BPIFB4: variants seen among roughly 807,000 people sequenced by gnomAD.
BPIFB4 encodes BPI fold-containing family B member 4.
Under a neutral mutation model 69.2 loss-of-function variants are expected in BPIFB4, and 62 were observed. The observed-to-expected ratio is 0.90, with a 90% CI of 0.73 to 1.11. BPIFB4 has a LOEUF of 1.11. BPIFB4 is among the 50% of genes least tolerant of loss of function. The probability of loss-of-function intolerance (pLI) is 0.00; values close to 1 mark genes in which losing one functional copy is unlikely to be tolerated. For synonymous variants in BPIFB4, 330 were observed against 332.7 expected, an observed-to-expected ratio of 0.99 and a Z score of 0.09; for missense variants, 789 against 792.0, an observed-to-expected ratio of 1.00 and a Z score of 0.04.
At chr20:33,082,140 T>C (rs887978214) in intron 3 of BPIFB4, among the ~76,000 whole-genome samples, 3 of 152,174 alleles carry the variant, frequency 2.0e-5, no homozygotes, top group African/African-American at 7.2e-5. Context: ...TCATCTAGCA[T>C]GTGAGGACAT....
Position 33,089,051 on chromosome 20 carries a change from G to T in BPIFB4, c.990+22G>T, listed in dbSNP as rs1001985155. 6 of 1,613,696 alleles carry T rather than the reference G, an allele frequency of 3.7e-6. No individual in the cohort carries two copies. In the African/African-American group the frequency reaches 8.0e-5, roughly 22 times the overall value. ...CTTGGTAAGAAGCTGTCCCAGTATG[G>T]GAGCAAGGGGCACAGGCTTCCCCCA... is the stretch of plus-strand genomic sequence containing the variant. On this transcript the variant is annotated intron_variant, in intron 8 of 17. Coordinates refer to ENST00000375483, the MANE Select transcript of BPIFB4 (RefSeq NM_182519.3).
intron 13 of BPIFB4, among the ~76,000 whole-genome samples, chr20:33,100,112 C>T (rs954948820): frequency 6.4e-4 from 98 of 152,134 alleles, no homozygotes; most frequent in African/African-American, 2.1e-3. Flanking sequence ...TCATGGGGAT[C>T]CTGTGACTGT....
intron 15 of BPIFB4, among the ~76,000 whole-genome samples, chr20:33,104,240 A>T (rs1234680127): frequency 6.6e-6 from 1 of 152,196 alleles, no homozygotes; most frequent in East Asian, 1.9e-4. Flanking sequence ...GTGGAAACCA[A>T]GGCTTAGAGA....
chr20:33,103,748 T>C (rs1032971918), intron 15 of BPIFB4, among the ~76,000 whole-genome samples: 1 of 152,236 alleles, frequency 6.6e-6, no homozygotes, highest in African/African-American at 2.4e-5. Context: ...GCTAATTTTA[T>C]AGCTTTTCTA....
rs1982113831 is a variant in BPIFB4 at position 33,107,810 on chromosome 20, A to T, written c.1811A>T (p.Asp604Val). 6.2e-7 allele frequency: 1 copy of T among 1,613,752 alleles called. No individual in the cohort carries two copies. Residue 604 changes from aspartate to valine, a missense_variant, in exon 17 of 18, where the codon GAC becomes GTC. Transcript: ENST00000375483. ...ATCGACTTTAGCAATGCAGACATTG[A>T]CGTGTTGGAGGTAAGAGGAGATCGA... ...LNIDFSNADIDVLEDLLVLSA is the reference protein window; with the variant it reads ...LNIDFSNADIVVLEDLLVLSA
intron 7 of BPIFB4, 112 bp downstream of exon 7, chr20:33,086,276 G>A: frequency 7.3e-7 from 1 of 1,372,582 alleles, no homozygotes; most frequent in Non-Finnish European, 1.0e-6. Context: ...GCAGGACGAT[G>A]ATGCTGTGGG....
intron 5 of BPIFB4, 62 bp from the exon 6 acceptor site, chr20:33,084,830 G>A (rs932753858): frequency 1.6e-5 from 25 of 1,563,932 alleles, no homozygotes; most frequent in African/African-American, 8.1e-5. Flanking sequence ...AGGGGAGGGC[G>A]CTCGGGTGAG....
rs752760419 is a variant in BPIFB4, at chr20:33,081,552, C to G, written c.26C>G (p.Ala9Gly). 1.4e-5 allele frequency: 21 copies of G among 1,551,712 alleles called. No individual in the cohort carries two copies. In the South Asian group the frequency reaches 2.5e-4, roughly 18 times the overall value. ...ATGTGGATGGCCTGGTGTGTGGCTGCGCTGTCTGTGGTGGCTGTGTGTGGC... is the reference window on the plus strand; with the variant it reads ...ATGTGGATGGCCTGGTGTGTGGCTGGGCTGTCTGTGGTGGCTGTGTGTGGC... MWMAWCVAALSVVAVCGTS... is the reference protein window; with the variant it reads MWMAWCVAGLSVVAVCGTS... Residue 9 changes from alanine to glycine, a missense_variant, in exon 3 of 18, where the codon GCG becomes GGG. Physicochemically the swap from Ala to Gly is moderately conservative, Grantham distance 60 (BLOSUM62 0). Around this residue, in one of 3 missense-constraint regions of BPIFB4, gnomAD observed 611 missense variants for 575.4 expected, o/e 1.06. Transcript: ENST00000375483.
chr20:33,104,781 C>T (rs575314957), intron 15 of BPIFB4, 29 bp from the exon 16 acceptor site: 2 of 1,611,592 alleles, frequency 1.2e-6, no homozygotes, highest in Admixed American at 1.7e-5. Context: ...ACCCCCTGCC[C>T]AGGCTCTGTC....
rs1235526164 is a variant in BPIFB4 at position 33,097,247 on chromosome 20, GA to G, written c.1399-361del. Among the ~76,000 whole-genome samples the G allele has an allele frequency of 1.5e-4, 22 of 150,908 alleles. No homozygotes were observed. In the East Asian group the frequency reaches 3.1e-3, roughly 21 times the overall value. On this transcript the variant is annotated intron_variant, in intron 12 of 17. Coordinates refer to ENST00000375483, the MANE Select transcript of BPIFB4 (RefSeq NM_182519.3). ...CCTGTTTTCTCATCTGTAATGTGGAGAAAAAAAAATACCCCATGGGTTGTTG... is the reference window on the plus strand; with the variant it reads ...CCTGTTTTCTCATCTGTAATGTGGAGAAAAAAAATACCCCATGGGTTGTTG...
intron 11 of BPIFB4, among the ~76,000 whole-genome samples, chr20:33,093,932 G>A (rs906508877): frequency 2.0e-5 from 3 of 152,096 alleles, no homozygotes; most frequent in African/African-American, 7.2e-5. Context: ...TGTCTGATCT[G>A]TCTGTCTGTC....
intron 2 of BPIFB4, 82 bp from the exon 3 acceptor site, chr20:33,081,430 T>G: frequency 1.3e-6 from 2 of 1,513,812 alleles, no homozygotes; most frequent in Non-Finnish European, 1.8e-6. Context: ...GAGATGACTC[T>G]TGGCTGGGGC....
At chr20:33,081,381 C>T (rs1258981190) in intron 2 of BPIFB4, 131 bp from the exon 3 acceptor site, 2 of 1,432,362 alleles carry the variant, frequency 1.4e-6, no homozygotes, top group Non-Finnish European at 1.8e-6. Flanking sequence ...TAGTATGTGA[C>T]CTTGGCTGGT....
At chr20:33,080,639 C>A (rs1416055267) in intron 2 of BPIFB4, 63 bp downstream of exon 2, 1 of 152,282 alleles carries the variant, frequency 6.6e-6, no homozygotes, top group Admixed American at 6.5e-5. Flanking sequence ...TTAATATTAA[C>A]CACGTGGTGT....
chr20:33,100,833 T>C (rs1981888601), intron 14 of BPIFB4, among the ~76,000 whole-genome samples: 1 of 152,124 alleles, frequency 6.6e-6, no homozygotes, highest in South Asian at 2.1e-4. Context: ...CTGAGAAACA[T>C]AGCAAGACAC....
At position 33,097,779 on chromosome 20, in the gene BPIFB4, A is replaced by G. The variant is rs201620109; in HGVS notation, c.1561A>G (p.Ile521Val). 6.4e-5 allele frequency: 103 copies of G among 1,612,496 alleles called. 1 individual carries two copies. The East Asian group carries it at 2.3e-3, about 35-fold the overall frequency. The change falls in exon 13 of 18, where the codon ATT becomes GTT. Residue 521 changes from isoleucine to valine, a missense_variant. Transcript: ENST00000375483. ...AGACCTGGAGACTACCATCTGCCTC[A>G]TTGACGTGGTGAGTGTCTGGAGGTA... ...PKDLETTICL[I>V]DVDTEFLASF...
At chr20:33,110,019 C>A (rs1399884432) in intron 17 of BPIFB4, among the ~76,000 whole-genome samples, 4 of 152,166 alleles carry the variant, frequency 2.6e-5, no homozygotes, top group African/African-American at 9.7e-5. Context: ...CCAGCTCCCC[C>A]TAATGTTAGC....
At position 33,086,129 on chromosome 20, in the gene BPIFB4, C is replaced by T. The variant is rs369833747; in HGVS notation, c.891C>T (p.Thr297=). ...GGCTGGTCATTGAGCGATGTGACAC[C>T]CTCCTAGGGGGCATCAAAGTCAAGC... The part of the protein sequence containing the change: ...YPRLVIERCD[T]LLGGIKVKLL... Residue 297 remains threonine, a synonymous_variant, in exon 7 of 18, where the codon ACC becomes ACT. Coordinates refer to ENST00000375483, the MANE Select transcript of BPIFB4 (RefSeq NM_182519.3). The T allele has an allele frequency of 1.0e-4, 165 of 1,612,366 alleles. No individual in the cohort carries two copies. The highest frequency in any genetic ancestry group is 1.6e-4 in the Middle Eastern group (1 of 6,068).
chr20:33,081,133 T>G (rs569093787), intron 2 of BPIFB4, among the ~76,000 whole-genome samples: 41 of 152,130 alleles, frequency 2.7e-4, no homozygotes, highest in Admixed American at 1.2e-3. Context: ...AATGAGTAGA[T>G]GAGTAGATGG....
Sources: gnomAD v4.1 joint callset for allele counts (sites outside exome capture counted in the v4.1 genomes callset) on GRCh38, gnomAD v4.1.1 for gene constraint, gnomAD v4.1.1 regional missense constraint, MANE v1.5 for transcripts, NCBI Gene and HGNC (gene_info 2026-07-23, HGNC 2026-07-21) for gene names.